Variants in FOCAD observed in about 807,000 individuals in gnomAD.
The protein encoded by FOCAD is KIAA1797.
FOCAD carries 198 observed loss-of-function variants against 225.6 expected under a neutral mutation model. The observed-to-expected ratio is 0.88, with a 90% CI of 0.78 to 0.99. The LOEUF (loss-of-function observed/expected upper bound fraction) is 0.99. Ranked by LOEUF, FOCAD falls within the 50% of genes least tolerant of loss-of-function variation. FOCAD has a pLI of 0.00. For missense variants in FOCAD, 2,713 were observed against 2,123.6 expected (o/e 1.28, Z -5.46); for synonymous variants, 897 against 755.0 (o/e 1.19, Z -3.08).
chr9:20,804,726 C>G (rs149983588), intron 11 of FOCAD, among the ~76,000 whole-genome samples: 1 of 152,048 alleles, frequency 6.6e-6, no homozygotes, highest in African/African-American at 2.4e-5. Context: ...TTATTAGAGA[C>G]TCTGGAGGAC....
chr9:20,863,411 T>C (rs1828954523), intron 16 of FOCAD: 1 of 152,146 alleles, frequency 6.6e-6, no homozygotes. Flanking sequence ...TAGTCCTTTA[T>C]ATGTTTTAGA....
chr9:20,867,300 T>G (rs1020681043), intron 18 of FOCAD, among the ~76,000 whole-genome samples: 4 of 151,976 alleles, frequency 2.6e-5, no homozygotes, highest in African/African-American at 9.7e-5. Flanking sequence ...CTAATTAGTA[T>G]GCCATCCTGG....
chr9:20,965,850 G>T (rs936077118), intron 35 of FOCAD, among the ~76,000 whole-genome samples: 1 of 152,120 alleles, frequency 6.6e-6, no homozygotes, highest in Non-Finnish European at 1.5e-5. Context: ...TCGCATTGTA[G>T]CAAGTATCAG....
At chr9:20,751,610 A>G (rs1045124140) in intron 5 of FOCAD, among the ~76,000 whole-genome samples, 9 of 138,504 alleles carry the variant, frequency 6.5e-5, no homozygotes, top group African/African-American at 2.0e-4. Context: ...TAGTGCTGCA[A>G]TAAACATATG....
At chr9:20,706,976 C>T (rs1416592116) in intron 1 of FOCAD, among the ~76,000 whole-genome samples, 2 of 152,294 alleles carry the variant, frequency 1.3e-5, no homozygotes, top group African/African-American at 2.4e-5. Flanking sequence ...GAAGCAGACC[C>T]CAGCCTGGAA....
At chr9:20,700,863 T>C (rs1411130749) in intron 1 of FOCAD, among the ~76,000 whole-genome samples, 2 of 152,248 alleles carry the variant, frequency 1.3e-5, no homozygotes, top group Non-Finnish European at 2.9e-5. Flanking sequence ...ATTTATTAAC[T>C]GCTTATTCCA....
At chr9:20,930,564 A>T (rs375980536) in intron 27 of FOCAD, among the ~76,000 whole-genome samples, 1 of 152,226 alleles carries the variant, frequency 6.6e-6, no homozygotes, top group Non-Finnish European at 1.5e-5. Flanking sequence ...ACACTATGCT[A>T]TATTTATTTC....
At chr9:20,844,610 C>T (rs941651335) in intron 15 of FOCAD, among the ~76,000 whole-genome samples, 7 of 151,954 alleles carry the variant, frequency 4.6e-5, no homozygotes, top group Non-Finnish European at 7.4e-5. Context: ...ATCTGCCTGC[C>T]TCGGCCTCCC....
rs554815345 is a variant in FOCAD, at chr9:20,930,143, A to T, written c.3317+547A>T. ...TAAAGAGTCTTAATCTGTGCATATT[A>T]TACTGTGTGCTTTGTTCACTTTGAT... On this transcript the variant is annotated intron_variant, in intron 27 of 43. Coordinates refer to ENST00000338382, the MANE Select transcript of FOCAD (RefSeq NM_001375567.1). 5.1e-4 allele frequency among the ~76,000 whole-genome samples: 78 copies of T among 151,910 alleles called. 1 individual carries two copies. Among genetic ancestry groups the T allele is most frequent in the African/African-American group, 1.8e-3 (75 of 41,442 alleles).
intron 19 of FOCAD, among the ~76,000 whole-genome samples, chr9:20,876,585 G>C (rs904106186): frequency 3.3e-5 from 5 of 152,136 alleles, no homozygotes; most frequent in African/African-American, 1.2e-4. Context: ...AGTTGAGATC[G>C]ACAACTGTAT....
At chr9:20,949,707 A>C in intron 33 of FOCAD, 32 bp downstream of exon 33, 1 of 1,498,604 alleles carries the variant, frequency 6.7e-7, no homozygotes, top group South Asian at 1.1e-5. Context: ...CCTTGGGTGG[A>C]AAACATATCC....
chr9:20,900,508 C>A (rs1181084789), intron 21 of FOCAD, among the ~76,000 whole-genome samples: 1 of 151,722 alleles, frequency 6.6e-6, no homozygotes, highest in African/African-American at 2.4e-5. Flanking sequence ...ATGCTGTAAC[C>A]AATCATTTAA....
chr9:20,807,125 G>A (rs1039144598), intron 11 of FOCAD, among the ~76,000 whole-genome samples: 1 of 152,186 alleles, frequency 6.6e-6, no homozygotes, highest in African/African-American at 2.4e-5. Context: ...TATAGTCAGT[G>A]TTTGATGAAA....
At chr9:20,856,343 TGA>T (rs1429304368) in intron 15 of FOCAD, among the ~76,000 whole-genome samples, 1 of 151,946 alleles carries the variant, frequency 6.6e-6, no homozygotes, top group African/African-American at 2.4e-5. Context: ...ATTTCTCTGA[TGA>T]CGTTGAGCAT....
intron 1 of FOCAD, among the ~76,000 whole-genome samples, chr9:20,701,985 C>T (rs1823993030): frequency 1.3e-5 from 2 of 152,142 alleles, no homozygotes; most frequent in Non-Finnish European, 2.9e-5. Flanking sequence ...GTATTAGATT[C>T]AGACTCAGAA....
intron 1 of FOCAD, among the ~76,000 whole-genome samples, chr9:20,690,160 A>T (rs1452021272): frequency 6.6e-6 from 1 of 152,146 alleles, no homozygotes; most frequent in Admixed American, 6.5e-5. Flanking sequence ...TTTACCTAAG[A>T]TTGCCATCTG....
At chr9:20,923,572 TGAC>T in intron 24 of FOCAD, 85 bp from the exon 25 acceptor site, 1 of 915,254 alleles carries the variant, frequency 1.1e-6, no homozygotes, top group Admixed American at 2.3e-5. Flanking sequence ...AGTTGCTTTT[TGAC>T]TTCACCTGCC....
At chr9:20,665,974 A>G (rs1821888870) in intron 2 of FOCAD, among the ~76,000 whole-genome samples, 1 of 152,070 alleles carries the variant, frequency 6.6e-6, no homozygotes, top group Admixed American at 6.5e-5. Context: ...AGCTCACTGC[A>G]ACCTCCGCCT....
chr9:20,938,337 C>G (rs1357906987), intron 28 of FOCAD, among the ~76,000 whole-genome samples: 1 of 152,078 alleles, frequency 6.6e-6, no homozygotes, highest in Non-Finnish European at 1.5e-5. Flanking sequence ...ACCCAAATGT[C>G]CAACAATGAT....
Sources: allele counts gnomAD v4.1 joint callset (sites outside exome capture counted in the v4.1 genomes callset), GRCh38; gene constraint gnomAD v4.1.1; transcripts MANE v1.5; gene names NCBI Gene and HGNC (gene_info 2026-07-23, HGNC 2026-07-21).